STAP2: variants seen among roughly 807,000 people sequenced by gnomAD.
STAP2 encodes signal transducing adaptor family member 2, also known as signal-transducing adaptor protein 2.
Under a neutral mutation model 52.7 loss-of-function variants are expected in STAP2, and 58 were observed. That is an observed-to-expected ratio of 1.10 (90% confidence interval 0.89 to 1.37). The LOEUF is 1.37. Ranked by LOEUF, STAP2 falls within the 40% of genes most tolerant of loss-of-function variation. The pLI is 0.00. For synonymous variants in STAP2, 231 were observed against 210.5 expected (o/e 1.10, Z -0.84); for missense variants, 522 against 519.4 (o/e 1.00, Z -0.05).
At chr19:4,326,463 C>T (rs1222172075) in intron 9 of STAP2, among the ~76,000 whole-genome samples, 1 of 152,130 alleles carries the variant, frequency 6.6e-6, no homozygotes, top group East Asian at 1.9e-4. Context: ...TGTTCTCTGC[C>T]TCCTCTTCCC....
Position 4,338,767 on chromosome 19 carries a change from TCTTCCGCCTGGC to T in STAP2, c.-26_-15del. ...GGCAGAGGCCATGACGGAGCCAGGG[TCTTCCGCCTGGC>T]CTCTCCTTCCAGTGGGTGCCCCAGC... On this transcript the variant is annotated 5_prime_UTR_variant, in exon 1 of 13. Transcript: ENST00000594605. The T allele has an allele frequency of 6.2e-7, 1 of 1,605,486 alleles. No individual in the cohort carries two copies. The highest frequency in any genetic ancestry group is 8.5e-7 in the Non-Finnish European group (1 of 1,175,088).
chr19:4,329,577 G>T (rs1205722487), intron 5 of STAP2, among the ~76,000 whole-genome samples: 1 of 151,474 alleles, frequency 6.6e-6, no homozygotes, highest in Non-Finnish European at 1.5e-5. Context: ...CCACAAAGAC[G>T]ATGCTCCGCC....
intron 12 of STAP2, 115 bp downstream of exon 12, chr19:4,324,340 A>C: frequency 7.7e-7 from 1 of 1,301,836 alleles, no homozygotes; most frequent in South Asian, 1.3e-5. Flanking sequence ...AAGAATTTCA[A>C]GACAGAGACA....
In STAP2 at chr19:4,326,987, C is replaced by G; in HGVS notation, c.784G>C (p.Glu262Gln). The G allele has an allele frequency of 6.4e-7, 1 of 1,555,076 alleles. No individual in the cohort carries two copies. The highest frequency in any genetic ancestry group is 8.7e-7 in the Non-Finnish European group (1 of 1,148,450). ...KVLGYVEADKENGENVWVAPS... is the reference protein window; with the variant it reads ...KVLGYVEADKQNGENVWVAPS... ...GCCACCCACACATTCTCGCCATTCT[C>G]CTTATCGGCTTCCACGTAGCCTGGA... Residue 262 changes from glutamate (E) to glutamine (Q), a missense_variant, in exon 9 of 13, where the codon GAG (glutamate) becomes CAG (glutamine). By Grantham distance (29) the Glu-to-Gln change is conservative (BLOSUM62 2). Transcript: ENST00000594605.
chr19:4,324,263 C>T (rs1459957099), intron 12 of STAP2, 66 bp from the exon 13 acceptor site: 2 of 1,494,860 alleles, frequency 1.3e-6, no homozygotes, highest in Non-Finnish European at 1.8e-6. Flanking sequence ...ACCGCCCTGA[C>T]AGCCACCCAG....
chr19:4,337,303 C>T (rs1326661266), intron 1 of STAP2, among the ~76,000 whole-genome samples: 2 of 150,188 alleles, frequency 1.3e-5, no homozygotes, highest in Non-Finnish European at 3.0e-5. Flanking sequence ...ACGATCTTGG[C>T]TCACTGCAAC....
Position 4,328,709 on chromosome 19 carries a change from C to G in STAP2, c.556G>C (p.Gly186Arg). 3 of 1,606,268 alleles carry G rather than the reference C, an allele frequency of 1.9e-6. No individual in the cohort carries two copies. Among genetic ancestry groups the G allele is most frequent in the Non-Finnish European group, 2.5e-6 (3 of 1,177,244 alleles). The change falls in exon 6 of 13, where the codon GGC (glycine) becomes CGC (arginine). Residue 186 changes from glycine (G) to arginine (R), a missense_variant. Transcript: ENST00000594605. ...LLRPSGDGAD[G>R]VSVTTRQMHN... ...ATCTGCCGCGTGGTGACCGACACGC[C>G]GTCGGCGCCGTCCCCGCTGGGCCGC...
At chr19:4,327,431 A>G in intron 6 of STAP2, 46 bp from the exon 7 acceptor site, 2 of 1,604,534 alleles carry the variant, frequency 1.2e-6, no homozygotes, top group Non-Finnish European at 1.7e-6. Flanking sequence ...AGGCTCCCAC[A>G]CCGCCCCTCA....
intron 3 of STAP2, 27 bp downstream of exon 3, chr19:4,333,667 T>C (rs1394347207): frequency 1.2e-6 from 2 of 1,602,410 alleles, no homozygotes; most frequent in East Asian, 4.5e-5. Flanking sequence ...GCACCGCCCC[T>C]CTGCACCCCT....
intron 6 of STAP2, among the ~76,000 whole-genome samples, chr19:4,327,955 G>T (rs1432260547): frequency 2.0e-5 from 3 of 150,328 alleles, no homozygotes; most frequent in African/African-American, 7.4e-5. Context: ...ACTCCCCCCC[G>T]TAGATCCTGA....
intron 1 of STAP2, among the ~76,000 whole-genome samples, chr19:4,334,717 C>G (rs1971945330): frequency 6.7e-6 from 1 of 150,232 alleles, no homozygotes; most frequent in Non-Finnish European, 1.5e-5. Flanking sequence ...TCCATCCATC[C>G]AGTCATTCAT....
In STAP2 at chr19:4,327,185, C is replaced by T. The variant is rs1257888826; in HGVS notation, c.702G>A (p.Val234=). The T allele has an allele frequency of 6.2e-7, 1 of 1,614,140 alleles. No individual in the cohort carries two copies. Among genetic ancestry groups the T allele is most frequent in the East Asian group, 2.2e-5 (1 of 44,888 alleles). Residue 234 remains valine, a synonymous_variant, in exon 8 of 13, where the codon GTG becomes GTA. Transcript: ENST00000594605. ...GCACCAGCGCCTTTTTGGTATGCGACACGAAATAGTTGACCACGGCGTCCA... is the reference window on the plus strand; with the variant it reads ...GCACCAGCGCCTTTTTGGTATGCGATACGAAATAGTTGACCACGGCGTCCA... ...TSLDAVVNYF[V]SHTKKALVPF...
intron 1 of STAP2, among the ~76,000 whole-genome samples, chr19:4,336,380 A>G (rs1185891933): frequency 3.5e-5 from 4 of 115,616 alleles, no homozygotes; most frequent in Non-Finnish European, 6.6e-5. Flanking sequence ...ATGCGGTGGC[A>G]CCATCTCAGC....
Position 4,329,000 on chromosome 19 carries a change from G to GTTC in STAP2, c.456-192_456-191insGAA, listed in dbSNP as rs1827859424. On this transcript the variant is annotated intron_variant, in intron 5 of 12. Coordinates refer to ENST00000594605, the MANE Select transcript of STAP2 (RefSeq NM_001013841.2). ...CTTCCAGGCTCCTAGTTTTTGTGGG[G>GTTC]TTTTTTGTTTTTTTTTTGAGACAGG... 6.8e-5 allele frequency: 49 copies of GTTC among 722,978 alleles called. 1 individual carries two copies. The South Asian group carries it at 1.0e-3, about 15-fold the overall frequency. 44.8% of individuals were successfully genotyped at this position (722,978 alleles called of 1,614,324 possible). A position where few individuals can be genotyped will look rare whatever the true frequency, so the allele number is the denominator to read the frequency against.
chr19:4,328,588 A>C, intron 6 of STAP2, 87 bp downstream of exon 6: 1 of 1,505,636 alleles, frequency 6.6e-7, no homozygotes, highest in East Asian at 2.5e-5. Context: ...AGCGGGTCGG[A>C]CTCCGCCCCT....
chr19:4,329,061 C>T, intron 5 of STAP2: 1 of 476,548 alleles, frequency 2.1e-6, no homozygotes, highest in Non-Finnish European at 3.7e-6. Context: ...AGTGCAATGG[C>T]GCTATCTCGG....
chr19:4,337,049 A>G (rs575479426), intron 1 of STAP2, among the ~76,000 whole-genome samples: 233 of 152,014 alleles, frequency 1.5e-3, no homozygotes, highest in Non-Finnish European at 2.0e-3. Context: ...AGGTAAGGGA[A>G]CCTCAGGGGC....
At chr19:4,328,620 C>T in intron 6 of STAP2, 55 bp downstream of exon 6, 2 of 1,535,398 alleles carry the variant, frequency 1.3e-6, no homozygotes, top group African/African-American at 1.4e-5. Flanking sequence ...CGCCCCCGCG[C>T]CCACCCTCTT....
chr19:4,332,193 CTTCTTTTTTTTTTTTTTT>C, intron 3 of STAP2, 115 bp from the exon 4 acceptor site: 2 of 317,082 alleles, frequency 6.3e-6, no homozygotes, highest in East Asian at 1.4e-4. Context: ...TTTTCTTTTT[CTTCTTTTTTTTTTTTTTT>C]TTTTTTTTTT....
Sources: gnomAD v4.1 joint callset for allele counts (sites outside exome capture counted in the v4.1 genomes callset) on GRCh38, gnomAD v4.1.1 for gene constraint, MANE v1.5 for transcripts, NCBI Gene and HGNC (gene_info 2026-07-23, HGNC 2026-07-21) for gene names.